The following VIRMA variants were observed in gnomAD, a reference collection of about 807,000 sequenced individuals.
VIRMA encodes the protein protein virilizer homolog.
VIRMA carries 65 observed loss-of-function variants against 182.4 expected under a neutral mutation model. That is an observed-to-expected ratio of 0.36 (90% CI 0.29 to 0.44). VIRMA has a LOEUF of 0.44. Ranked by LOEUF, VIRMA falls within the 20% of genes least tolerant of loss-of-function variation. The pLI, the probability that VIRMA is intolerant of heterozygous loss-of-function variation, is 1.00. For synonymous variants in VIRMA, 709 were observed against 743.1 expected, an observed-to-expected ratio of 0.95 and a Z score of 0.75; for missense variants, 1,752 against 2,158.1, an observed-to-expected ratio of 0.81 and a Z score of 3.73.
chr8:94,515,968 C>A (rs1224677345), intron 10 of VIRMA, among the ~76,000 whole-genome samples: 1 of 151,616 alleles, frequency 6.6e-6, no homozygotes, highest in Non-Finnish European at 1.5e-5. Context: ...ACTAGCTGGG[C>A]ATGGTAGCAC....
In VIRMA at chr8:94,511,251, T is replaced by G. The variant is rs766057695; in HGVS notation, c.3324A>C (p.Gly1108=). 7.4e-6 allele frequency: 12 copies of G among 1,613,886 alleles called. No individual in the cohort carries two copies. The highest frequency in any genetic ancestry group is 1.0e-5 in the Non-Finnish European group (12 of 1,179,994). ...AAAGGAGTATGAGTCCAGAAAAAAA[T>G]CCTTCAGGAACCTTCAAGATTGAAG... ...VLSSILKVPE[G]FFSGLILLSE... Residue 1108 remains glycine, a synonymous_variant, in exon 13 of 24, where the codon GGA becomes GGC. Transcript: ENST00000297591.
chr8:94,546,913 G>A (rs1378616003), intron 1 of VIRMA: 13 of 455,164 alleles, frequency 2.9e-5, no homozygotes, highest in Non-Finnish European at 4.8e-5. Context: ...CTTCTTTATT[G>A]CTCCAAACTT....
At chr8:94,517,064 T>C (rs1431710428) in intron 10 of VIRMA, among the ~76,000 whole-genome samples, 1 of 152,194 alleles carries the variant, frequency 6.6e-6, no homozygotes, top group Non-Finnish European at 1.5e-5. Context: ...AAAAATAATA[T>C]TCATATTTAC....
chr8:94,497,445 T>TC (rs1813818490), intron 17 of VIRMA: 1 of 152,008 alleles, frequency 6.6e-6, no homozygotes, highest in Admixed American at 6.6e-5. Context: ...TTTCTTTTTT[T>TC]TGAGATGGAG....
Position 94,509,695 on chromosome 8 carries a change from C to G in VIRMA, c.3872G>C (p.Cys1291Ser). The change falls in exon 15 of 24, where the codon TGT becomes TCT. Residue 1291 changes from cysteine (C) to serine (S), a missense_variant. By Grantham distance (112) the Cys-to-Ser change is moderately radical (BLOSUM62 -1). Around this residue, in one of 11 missense-constraint regions of VIRMA, gnomAD observed 777 missense variants for 920.6 expected, o/e 0.84. Coordinates refer to ENST00000297591, the MANE Select transcript of VIRMA (RefSeq NM_015496.5). ...TAAAATAACTATAAATACCTGATCA[C>G]AGAGAGACTGCAAAATGGATGTGAC... ...EYVTSILQSLCDQDIALILPS... is the reference protein window; with the variant it reads ...EYVTSILQSLSDQDIALILPS... 1.9e-6 allele frequency: 3 copies of G among 1,612,694 alleles called. No individual in the cohort carries two copies. The highest frequency in any genetic ancestry group is 1.1e-5 in the South Asian group (1 of 90,730).
At chr8:94,517,687 C>G in intron 10 of VIRMA, 101 bp downstream of exon 10, 1 of 712,466 alleles carries the variant, frequency 1.4e-6, no homozygotes. Flanking sequence ...AACAGTATTA[C>G]TAGGTATATT....
chr8:94,550,362 G>A (rs920226255), intron 1 of VIRMA, among the ~76,000 whole-genome samples: 7 of 150,820 alleles, frequency 4.6e-5, no homozygotes, highest in Admixed American at 2.6e-4. Flanking sequence ...GCACAATCTC[G>A]GCTCACTGCA....
At chr8:94,510,701 TTATA>T in intron 13 of VIRMA, 49 bp from the exon 14 acceptor site, 1 of 1,346,610 alleles carries the variant, frequency 7.4e-7, no homozygotes, top group African/African-American at 1.4e-5. Flanking sequence ...TAATATTTAT[TTATA>T]GTCACAAAAA....
intron 14 of VIRMA, 49 bp downstream of exon 14, chr8:94,510,366 ATG>A: frequency 1.4e-6 from 2 of 1,426,462 alleles, no homozygotes; most frequent in South Asian, 1.2e-5. Flanking sequence ...GAAAAAATAT[ATG>A]TGTCAAAAAT....
At position 94,511,846 on chromosome 8, in the gene VIRMA, TTTA is replaced by T. The variant is rs145524023; in HGVS notation, c.2846-120_2846-118del. 8.4e-3 allele frequency: 5,928 copies of T among 708,084 alleles called. 283 individuals carry two copies. In the African/African-American group the frequency reaches 0.099, roughly 12 times the overall value. The allele number at this position is 708,084 out of a possible 1,614,324, so 43.9% of individuals were successfully genotyped here. Reference sequence around the variant, plus strand: ...ATAATTATATTTATAATAAATGATTTTTATTATGACAAATATTTAATTACTTTA... The same window carrying T: ...ATAATTATATTTATAATAAATGATTTTTATGACAAATATTTAATTACTTTA... On this transcript the variant is annotated intron_variant, in intron 12 of 23. Transcript: ENST00000297591.
chr8:94,513,533 T>C (rs1230653893), intron 11 of VIRMA, among the ~76,000 whole-genome samples: 1 of 151,598 alleles, frequency 6.6e-6, no homozygotes, highest in Non-Finnish European at 1.5e-5. Context: ...AGACACAGAG[T>C]GAAGTTTCAG....
At chr8:94,490,343 G>A (rs1006563148) in intron 22 of VIRMA, among the ~76,000 whole-genome samples, 1 of 152,126 alleles carries the variant, frequency 6.6e-6, no homozygotes, top group African/African-American at 2.4e-5. Flanking sequence ...TGCAAATTGG[G>A]AGTACTAAGA....
chr8:94,524,525 G>A (rs938053254), intron 8 of VIRMA, among the ~76,000 whole-genome samples: 10 of 151,230 alleles, frequency 6.6e-5, no homozygotes, highest in Admixed American at 2.0e-4. Context: ...GGCTGGTCTC[G>A]AACTCCTGAA....
At chr8:94,494,091 T>C (rs897631180) in intron 20 of VIRMA, among the ~76,000 whole-genome samples, 1 of 137,358 alleles carries the variant, frequency 7.3e-6, no homozygotes, top group African/African-American at 2.7e-5. Context: ...CCCTGTTCTA[T>C]ACCCCGTCAA....
chr8:94,526,896 C>T lies in VIRMA; in HGVS notation c.1348G>A (p.Ala450Thr), dbSNP rs376403379. The T allele has an allele frequency of 8.1e-6, 13 of 1,614,048 alleles. No individual in the cohort carries two copies. The highest frequency in any genetic ancestry group is 5.5e-5 in the South Asian group (5 of 91,086). Residue 450 changes from alanine to threonine, a missense_variant, in exon 8 of 24, where the codon GCC becomes ACC. Ala to Thr is a moderately conservative substitution (Grantham distance 58). Around this residue, in one of 11 missense-constraint regions of VIRMA, gnomAD observed 401 missense variants for 455.1 expected, o/e 0.88. Transcript: ENST00000297591. ...NLQVALRQPI[A>T]LNVRQLKAGT... is the part of the protein sequence containing the mutation. ...GCTTTGAGCTGTCGAACATTTAAGGCGATAGGTTGGCGAAGCGCTACTTGT... is the reference window on the plus strand; with the variant it reads ...GCTTTGAGCTGTCGAACATTTAAGGTGATAGGTTGGCGAAGCGCTACTTGT...
At chr8:94,526,109 G>A in intron 8 of VIRMA, 114 bp downstream of exon 8, 2 of 740,654 alleles carry the variant, frequency 2.7e-6, no homozygotes, top group South Asian at 3.9e-5. Context: ...GAAATATCAA[G>A]TATCCTTACA....
intron 8 of VIRMA, among the ~76,000 whole-genome samples, chr8:94,525,031 T>C (rs1026562071): frequency 4.6e-5 from 7 of 152,226 alleles, no homozygotes; most frequent in African/African-American, 1.7e-4. Flanking sequence ...CCCATTGATT[T>C]CCCAGTACAC....
intron 1 of VIRMA, chr8:94,546,790 C>T: frequency 8.0e-6 from 3 of 375,576 alleles, no homozygotes; most frequent in Admixed American, 3.3e-5. Flanking sequence ...TCTTTCTTGC[C>T]TCCCATCAAC....
At chr8:94,548,027 C>T (rs959773148) in intron 1 of VIRMA, among the ~76,000 whole-genome samples, 4 of 150,502 alleles carry the variant, frequency 2.7e-5, no homozygotes, top group Non-Finnish European at 5.9e-5. Flanking sequence ...AGAGCAAGAC[C>T]CTGTTTCAAA....
Sources: gnomAD v4.1 joint callset for allele counts (sites outside exome capture counted in the v4.1 genomes callset) on GRCh38, gnomAD v4.1.1 for gene constraint, gnomAD v4.1.1 regional missense constraint, MANE v1.5 for transcripts, NCBI Gene and HGNC (gene_info 2026-07-23, HGNC 2026-07-21) for gene names.